Variants in DPP6 observed in about 807,000 individuals in gnomAD.
The protein encoded by DPP6 is dipeptidyl peptidase like 6.
DPP6 carries 69 observed loss-of-function variants against 122.6 expected under a neutral mutation model. The observed-to-expected ratio is 0.56, with a 90% CI of 0.46 to 0.69. The LOEUF (loss-of-function observed/expected upper bound fraction) is 0.69, where lower values mean the gene tolerates loss of function less well. DPP6 is among the 30% of genes least tolerant of loss of function. DPP6 has a pLI of 0.00. For missense variants in DPP6, 928 were observed against 1,116.9 expected, an observed-to-expected ratio of 0.83 and a Z score of 2.41; for synonymous variants, 418 against 433.1, an observed-to-expected ratio of 0.97 and a Z score of 0.43.
At chr7:154,362,477 C>T (rs1044563586) in intron 1 of DPP6, among the ~76,000 whole-genome samples, 1 of 152,152 alleles carries the variant, frequency 6.6e-6, no homozygotes, top group Non-Finnish European at 1.5e-5. Flanking sequence ...TGCAGTGGCA[C>T]CATCTTGGCT....
At chr7:153,785,300 C>T in the DPP6 span, among the ~76,000 whole-genome samples, 4 of 152,112 alleles carry the variant, frequency 2.6e-5, no homozygotes, top group African/African-American at 7.2e-5. Context: ...TTTTGTCTAT[C>T]GCTAGACTGT....
intron 1 of DPP6, among the ~76,000 whole-genome samples, chr7:153,996,670 G>C (rs1216913911): frequency 2.6e-5 from 4 of 151,926 alleles, no homozygotes. Context: ...CAGCCCTCTT[G>C]AATAATGTCC....
At chr7:154,108,722 C>T (rs1368242584) in intron 1 of DPP6, among the ~76,000 whole-genome samples, 1 of 152,212 alleles carries the variant, frequency 6.6e-6, no homozygotes, top group Non-Finnish European at 1.5e-5. Context: ...CAACAACTCA[C>T]CCATTCCTTC....
At chr7:154,591,908 G>T (rs2130733256) in intron 5 of DPP6, among the ~76,000 whole-genome samples, 1 of 152,382 alleles carries the variant, frequency 6.6e-6, no homozygotes, top group South Asian at 2.1e-4. Flanking sequence ...AAGGGAGCAG[G>T]ATGAGGACAT....
chr7:154,595,452 A>C (rs1246434291), intron 5 of DPP6, among the ~76,000 whole-genome samples: 1 of 152,130 alleles, frequency 6.6e-6, no homozygotes, highest in Non-Finnish European at 1.5e-5. Context: ...TAGACCATGG[A>C]TGAAAGACCG....
At chr7:153,765,340 G>A in the DPP6 span, among the ~76,000 whole-genome samples, 4 of 148,736 alleles carry the variant, frequency 2.7e-5, no homozygotes, top group Non-Finnish European at 6.0e-5. Flanking sequence ...TCAAGAGTTC[G>A]AGACCAGCCT....
intron 1 of DPP6, among the ~76,000 whole-genome samples, chr7:154,393,417 T>C (rs1814799064): frequency 6.6e-6 from 1 of 152,170 alleles, no homozygotes; most frequent in Non-Finnish European, 1.5e-5. Flanking sequence ...TAAGCATAAG[T>C]TACTCAGGGA....
chr7:154,610,528 C>T (rs150543407), intron 5 of DPP6, among the ~76,000 whole-genome samples: 135 of 152,304 alleles, frequency 8.9e-4, no homozygotes, highest in Middle Eastern at 3.4e-3. Context: ...CTTGCAGCAC[C>T]TGTCTTATGT....
chr7:154,082,846 C>CTTTCTTTT lies in DPP6; in HGVS notation c.243+29786_243+29787insCTTTTTTT, dbSNP rs1260484862. ...CTGTGTGTGCCTATCTTTTCTTTTT[C>CTTTCTTTT]TTTTTTTTTTTTTTTTTTTTGAGAT... On this transcript the variant is annotated intron_variant, in intron 1 of 25. Transcript: ENST00000377770. Among the ~76,000 whole-genome samples, 63 of 106,230 alleles carry CTTTCTTTT rather than the reference C, an allele frequency of 5.9e-4. 1 individual carries two copies. The highest frequency in any genetic ancestry group is 5.3e-3 in the Middle Eastern group (1 of 190). The allele number at this position is 106,230 out of a possible 152,430, so 69.7% of individuals were successfully genotyped here. A position where few individuals can be genotyped will look rare whatever the true frequency, so the allele number is the denominator to read the frequency against.
At position 154,601,134 on chromosome 7, in the gene DPP6, A is replaced by T. The variant is rs1407603589; in HGVS notation, c.627+34218A>T. Among the ~76,000 whole-genome samples the T allele has an allele frequency of 6.6e-5, 8 of 121,216 alleles. 2 individuals are homozygous for T. The highest frequency in any genetic ancestry group is 2.1e-4 in the African/African-American group (8 of 38,024). 79.5% of individuals were successfully genotyped at this position (121,216 alleles called of 152,430 possible). Reference sequence around the variant, plus strand: ...CTCACATCCAGAATGCTCAAATTTAACAAGTGTGATCTGTCTTGTTGAATG... The same window carrying T: ...CTCACATCCAGAATGCTCAAATTTATCAAGTGTGATCTGTCTTGTTGAATG... On this transcript the variant is annotated intron_variant, in intron 5 of 25. Transcript: ENST00000377770.
chr7:153,911,838 C>T (rs1178771074), intron 1 of DPP6, among the ~76,000 whole-genome samples: 2 of 151,562 alleles, frequency 1.3e-5, no homozygotes, highest in Non-Finnish European at 2.9e-5. Context: ...TGTCCTGTTA[C>T]ATCTTTTTCT....
chr7:154,892,680 G>A lies in DPP6; in HGVS notation c.*200G>A. The A allele has an allele frequency of 8.8e-7, 1 of 1,138,366 alleles. No homozygotes were observed. The highest frequency in any genetic ancestry group is 1.3e-6 in the Non-Finnish European group (1 of 772,918). The allele number at this position is 1,138,366 out of a possible 1,614,324, so 70.5% of individuals were successfully genotyped here. ...GGGGTCATCACTCACGGCCTCCATG[G>A]CACCAGGGACAACGCTGTCCCCGCA... is the stretch of plus-strand genomic sequence containing the variant. On this transcript the variant is annotated 3_prime_UTR_variant, in exon 26 of 26. Transcript: ENST00000377770.
chr7:154,261,227 G>C (rs949052793), intron 1 of DPP6, among the ~76,000 whole-genome samples: 2 of 152,130 alleles, frequency 1.3e-5, no homozygotes, highest in Non-Finnish European at 2.9e-5. Flanking sequence ...TCTCCACACT[G>C]TTTTCCATAG....
At position 154,157,960 on chromosome 7, in the gene DPP6, CAT is replaced by C. The variant is rs200706163; in HGVS notation, c.243+104906_243+104907del. 4.7e-4 allele frequency among the ~76,000 whole-genome samples: 69 copies of C among 147,778 alleles called. 1 individual carries two copies. In the East Asian group the frequency reaches 1.0e-2, roughly 21 times the overall value. ...AAAAAAATATATACATATATATGTA[CAT>C]ATATATATGTATATAAATATATATA... On this transcript the variant is annotated intron_variant, in intron 1 of 25. Coordinates refer to ENST00000377770, the MANE Select transcript of DPP6 (RefSeq NM_130797.4).
chr7:154,264,503 A>C (rs1301895108), intron 1 of DPP6, among the ~76,000 whole-genome samples: 1 of 152,180 alleles, frequency 6.6e-6, no homozygotes, highest in Non-Finnish European at 1.5e-5. Context: ...GGGTAATAAC[A>C]ATGTCTGTCT....
At chr7:154,661,751 C>A (rs1307368792) in intron 6 of DPP6, among the ~76,000 whole-genome samples, 1 of 144,382 alleles carries the variant, frequency 6.9e-6, no homozygotes, top group Admixed American at 6.8e-5. Flanking sequence ...TGGTGAATCA[C>A]CATGGCGTGT....
At chr7:154,217,041 C>T (rs966719466) in intron 1 of DPP6, among the ~76,000 whole-genome samples, 1 of 151,978 alleles carries the variant, frequency 6.6e-6, no homozygotes, top group African/African-American at 2.4e-5. Flanking sequence ...GAAATGCTTA[C>T]CTTGTCCAAT....
chr7:154,176,115 A>G (rs1797790924), intron 1 of DPP6, among the ~76,000 whole-genome samples: 1 of 152,230 alleles, frequency 6.6e-6, no homozygotes, highest in Non-Finnish European at 1.5e-5. Context: ...TTTCAGAAAT[A>G]TGGGACAAGA....
At chr7:154,199,470 T>G (rs545609272) in intron 1 of DPP6, among the ~76,000 whole-genome samples, 1 of 152,232 alleles carries the variant, frequency 6.6e-6, no homozygotes, top group Non-Finnish European at 1.5e-5. Flanking sequence ...GCAAACTTAA[T>G]TGGTAGCTGA....
Sources: allele counts gnomAD v4.1 joint callset (sites outside exome capture counted in the v4.1 genomes callset), GRCh38; gene constraint gnomAD v4.1.1; transcripts MANE v1.5; gene names NCBI Gene and HGNC (gene_info 2026-07-23, HGNC 2026-07-21).